Variants in TFDP2 observed in about 807,000 individuals in gnomAD.
TFDP2 encodes the protein transcription factor Dp-2 (E2F dimerization partner 2).
A neutral mutation model predicts 59.3 loss-of-function variants in TFDP2; 17 were observed. The ratio of observed to expected loss-of-function variants is 0.29; its 90% CI spans 0.20 to 0.43. The LOEUF (loss-of-function observed/expected upper bound fraction) is 0.43. Ranked by LOEUF, TFDP2 falls within the 20% of genes least tolerant of loss-of-function variation. The pLI is 1.00. For missense variants in TFDP2, 391 were observed against 528.8 expected (o/e 0.74, Z 2.56); for synonymous variants, 180 against 194.7 (o/e 0.92, Z 0.63).
chr3:142,061,896 A>G (rs879459089), intron 3 of TFDP2, among the ~76,000 whole-genome samples: 2 of 32,392 alleles, frequency 6.2e-5, no homozygotes, highest in Non-Finnish European at 9.7e-5. Flanking sequence ...CTCTACACAC[A>G]CACACACACA....
intron 4 of TFDP2, among the ~76,000 whole-genome samples, chr3:141,995,760 G>A (rs1393653511): frequency 6.6e-6 from 1 of 151,744 alleles, no homozygotes; most frequent in Non-Finnish European, 1.5e-5. Flanking sequence ...CTGTGCGCCT[G>A]TAATCCCAGC....
rs952504186 is a variant in TFDP2, at chr3:142,081,109, C to A, written c.82+11952G>T. ...GGTAACAAAACAGTCTTAAAACATT[C>A]AAAAAATTGAAATATTATGAAGCAT... On this transcript the variant is annotated intron_variant, in intron 3 of 12. Coordinates refer to ENST00000489671, the MANE Select transcript of TFDP2 (RefSeq NM_001178139.2). Among the ~76,000 whole-genome samples the A allele has an allele frequency of 9.2e-5, 14 of 152,050 alleles. No individual in the cohort carries two copies. The East Asian group carries it at 2.1e-3, about 23-fold the overall frequency.
Position 142,005,451 on chromosome 3 carries a change from C to A in TFDP2, c.176G>T (p.Gly59Val). 1 of 1,604,598 alleles carries A rather than the reference C, an allele frequency of 6.2e-7. No individual in the cohort carries two copies. The highest frequency in any genetic ancestry group is 1.1e-5 in the South Asian group (1 of 89,330). ...TGATAATTTTCTTACCATTTGGGGTCCAACATTCACATTTATTGGTCCTAA... is the reference window on the plus strand; with the variant it reads ...TGATAATTTTCTTACCATTTGGGGTACAACATTCACATTTATTGGTCCTAA... ...KTLGPINVNV[G>V]PQMIISTPQR... Residue 59 changes from glycine to valine, a missense_variant, in exon 4 of 13, where the codon GGA becomes GTA. By Grantham distance (109) the Gly-to-Val change is moderately radical. Coordinates refer to ENST00000489671, the MANE Select transcript of TFDP2 (RefSeq NM_001178139.2).
intron 6 of TFDP2, among the ~76,000 whole-genome samples, chr3:141,981,397 C>A (rs1941474184): frequency 6.6e-6 from 1 of 152,030 alleles, no homozygotes; most frequent in African/African-American, 2.4e-5. Flanking sequence ...AGAACATAGC[C>A]CCTCATTAAG....
At chr3:141,958,664 G>A (rs1472070563) in intron 11 of TFDP2, among the ~76,000 whole-genome samples, 1 of 152,128 alleles carries the variant, frequency 6.6e-6, no homozygotes, top group Non-Finnish European at 1.5e-5. Flanking sequence ...GTCTACAGAC[G>A]TAAACAACCT....
rs139637448 is a variant in TFDP2, at chr3:141,947,649, A to G, written c.*4864T>C. ...TGGAAAGTAGTGAATCTTTGTGACA[A>G]TCTTCTCTTGGTTTACAGAAATTGC... On this transcript the variant is annotated 3_prime_UTR_variant, in exon 13 of 13. Coordinates refer to ENST00000489671, the MANE Select transcript of TFDP2 (RefSeq NM_001178139.2). 8.6e-4 allele frequency: 131 copies of G among 152,304 alleles called. 1 individual carries two copies. Among genetic ancestry groups the G allele is most frequent in the African/African-American group, 3.1e-3 (128 of 41,568 alleles). The allele number at this position is 152,304 out of a possible 1,614,324, so 9.4% of individuals were successfully genotyped here.
At chr3:142,049,645 G>T (rs891239088) in intron 3 of TFDP2, among the ~76,000 whole-genome samples, 1 of 152,124 alleles carries the variant, frequency 6.6e-6, no homozygotes, top group Non-Finnish European at 1.5e-5. Flanking sequence ...TATAAAATAA[G>T]AAAGGAATAC....
chr3:142,071,623 A>G lies in TFDP2; in HGVS notation c.82+21438T>C, dbSNP rs1020202099. On this transcript the variant is annotated intron_variant, in intron 3 of 12. Transcript: ENST00000489671. ...AAAATCAGCTGCAGTAATCCAGGAA[A>G]TGGTTTATAGTAGTCTGACCTATTA... is the stretch of plus-strand genomic sequence containing the variant. 6.6e-5 allele frequency among the ~76,000 whole-genome samples: 10 copies of G among 152,216 alleles called. 1 individual carries two copies. The highest frequency in any genetic ancestry group is 6.5e-4 in the Admixed American group (10 of 15,284).
At chr3:141,973,093 G>GTATATATATATATATA (rs1553761666) in intron 8 of TFDP2, among the ~76,000 whole-genome samples, 12 of 103,158 alleles carry the variant, frequency 1.2e-4, no homozygotes, top group East Asian at 5.6e-4. Context: ...AAAGCTATGT[G>GTATATATATATATATA]TATATATATA....
At chr3:142,125,713 T>C (rs1047099100) in intron 1 of TFDP2, among the ~76,000 whole-genome samples, 3 of 152,192 alleles carry the variant, frequency 2.0e-5, no homozygotes, top group Non-Finnish European at 4.4e-5. Context: ...GTATGTGTAG[T>C]ACATTACCAT....
intron 1 of TFDP2, among the ~76,000 whole-genome samples, chr3:142,106,823 C>T (rs993419088): frequency 2.0e-5 from 3 of 152,106 alleles, no homozygotes; most frequent in African/African-American, 4.8e-5. Flanking sequence ...AAATGCAAGC[C>T]CTTTCCCATT....
At chr3:142,088,627 T>TC (rs2060891783) in intron 3 of TFDP2, among the ~76,000 whole-genome samples, 6 of 149,516 alleles carry the variant, frequency 4.0e-5, no homozygotes, top group Admixed American at 6.7e-5. Flanking sequence ...TTTTTTTTTT[T>TC]TGAGACAGGG....
chr3:142,052,277 C>A (rs984534522), intron 3 of TFDP2, among the ~76,000 whole-genome samples: 1 of 151,888 alleles, frequency 6.6e-6, no homozygotes, highest in African/African-American at 2.4e-5. Flanking sequence ...GTGGCTCACG[C>A]CTATAATCCC....
chr3:142,107,333 GC>G (rs1353432715), intron 1 of TFDP2, among the ~76,000 whole-genome samples: 3 of 151,192 alleles, frequency 2.0e-5, no homozygotes, highest in Admixed American at 1.3e-4. Flanking sequence ...CTGGATTCAA[GC>G]AATCCTCCTG....
At chr3:142,148,971 C>T (rs1259842690) in intron 1 of TFDP2, among the ~76,000 whole-genome samples, 2 of 152,216 alleles carry the variant, frequency 1.3e-5, no homozygotes, top group East Asian at 3.9e-4. Context: ...TTGCTCTATG[C>T]ACTAAGAGGG....
intron 3 of TFDP2, among the ~76,000 whole-genome samples, chr3:142,039,023 G>C (rs1162442982): frequency 6.6e-6 from 1 of 152,096 alleles, no homozygotes; most frequent in Non-Finnish European, 1.5e-5. Flanking sequence ...ATATGATACT[G>C]CGCAAATTAT....
At chr3:142,100,892 T>C (rs776666120) in intron 2 of TFDP2, among the ~76,000 whole-genome samples, 1 of 152,220 alleles carries the variant, frequency 6.6e-6, no homozygotes, top group Non-Finnish European at 1.5e-5. Flanking sequence ...GCTGGATTTC[T>C]AGTTTCTGGG....
rs111456343 is a variant in TFDP2 at position 142,130,299 on chromosome 3, G to T, written c.-93+18884C>A. Among the ~76,000 whole-genome samples the T allele has an allele frequency of 1.8e-3, 275 of 152,114 alleles. 3 individuals are homozygous for T. Among genetic ancestry groups the T allele is most frequent in the African/African-American group, 6.4e-3 (264 of 41,530 alleles). Reference sequence around the variant, plus strand: ...ATATTCTGACATATGCTACATTGATGAACTGTGAGGACATTATGCAAAGTG... The same window carrying T: ...ATATTCTGACATATGCTACATTGATTAACTGTGAGGACATTATGCAAAGTG... On this transcript the variant is annotated intron_variant, in intron 1 of 12. Coordinates refer to ENST00000489671, the MANE Select transcript of TFDP2 (RefSeq NM_001178139.2).
intron 6 of TFDP2, among the ~76,000 whole-genome samples, chr3:141,983,216 T>G (rs762603563): frequency 5.3e-5 from 8 of 152,202 alleles, no homozygotes; most frequent in African/African-American, 9.7e-5. Context: ...AGATGAGAGA[T>G]TTGGTCCTGC....
Sources: allele counts gnomAD v4.1 joint callset (sites outside exome capture counted in the v4.1 genomes callset), GRCh38; gene constraint gnomAD v4.1.1; transcripts MANE v1.5; gene names NCBI Gene and HGNC (gene_info 2026-07-23, HGNC 2026-07-21).